The following B4GALNT2 variants were observed in gnomAD, a reference collection of about 807,000 sequenced individuals.
B4GALNT2 encodes the protein N-acetylneuraminylgalactosylglucosyl-glucoside beta-1,4-N- acetylgalactosaminyltransferase 2.
Under a neutral mutation model 51.1 loss-of-function variants are expected in B4GALNT2, and 42 were observed. The ratio of observed to expected loss-of-function variants is 0.82; its 90% CI spans 0.64 to 1.06. The LOEUF is 1.06. B4GALNT2 is among the 50% of genes least tolerant of loss of function. The pLI, the probability that B4GALNT2 is intolerant of heterozygous loss-of-function variation, is 0.00. For missense variants in B4GALNT2, 602 were observed against 633.6 expected, an observed-to-expected ratio of 0.95 and a Z score of 0.54; for synonymous variants, 253 against 251.7, an observed-to-expected ratio of 1.01 and a Z score of -0.05.
At chr17:49,136,535 T>C (rs2042591769) in intron 1 of B4GALNT2, among the ~76,000 whole-genome samples, 1 of 150,716 alleles carries the variant, frequency 6.6e-6, no homozygotes, top group Non-Finnish European at 1.5e-5. Context: ...TATTTATTTA[T>C]TTATTTATTT....
rs192171704 is a variant in B4GALNT2, at chr17:49,133,394, A to G, written c.14+588A>G. ...TGGCCCCGCGTGCTAAAGAGCCTCT[A>G]CGGAGTGATATAATAATTAACGGGG... On this transcript the variant is annotated intron_variant, in intron 1 of 10. Coordinates refer to ENST00000393354, the MANE Select transcript of B4GALNT2 (RefSeq NM_001159387.2). Among the ~76,000 whole-genome samples the G allele has an allele frequency of 2.6e-3, 401 of 152,314 alleles. 1 individual carries two copies. The highest frequency in any genetic ancestry group is 6.8e-3 in the Middle Eastern group (2 of 294).
the B4GALNT2 span, among the ~76,000 whole-genome samples, chr17:49,123,228 T>C: frequency 6.6e-6 from 1 of 152,196 alleles, no homozygotes; most frequent in Admixed American, 6.5e-5. Context: ...CAAAGGATTC[T>C]GGGCACCCTC....
chr17:49,143,681 A>G (rs956910479), intron 3 of B4GALNT2, among the ~76,000 whole-genome samples: 1 of 152,242 alleles, frequency 6.6e-6, no homozygotes, highest in African/African-American at 2.4e-5. Context: ...TAATTTATAA[A>G]GAAAAGGTAA....
chr17:49,125,636 G>C, the B4GALNT2 span, among the ~76,000 whole-genome samples: 1 of 149,424 alleles, frequency 6.7e-6, no homozygotes, highest in Admixed American at 6.6e-5. Flanking sequence ...GCCTCTGCCC[G>C]GCCGCGGCCC....
rs184712501 is a variant in B4GALNT2 at position 49,159,360 on chromosome 17, G to A, written c.679+143G>A. ...TTTGTTTTGTTTTGTTTTGTTTTTT[G>A]AGACGGAGTCTCACTCTGTCACCCA... On this transcript the variant is annotated intron_variant, in intron 6 of 10. Transcript: ENST00000393354. The A allele has an allele frequency of 4.4e-3, 2,857 of 652,536 alleles. 6 individuals are homozygous for A. Among genetic ancestry groups the A allele is most frequent in the Non-Finnish European group, 6.1e-3 (2,617 of 429,146 alleles). 40.4% of individuals were successfully genotyped at this position (652,536 alleles called of 1,614,324 possible).
At chr17:49,156,231 C>T (rs1343732644) in intron 4 of B4GALNT2, among the ~76,000 whole-genome samples, 1 of 152,160 alleles carries the variant, frequency 6.6e-6, no homozygotes, top group Non-Finnish European at 1.5e-5. Flanking sequence ...GGTTTGGCTA[C>T]TCCAGGTGCC....
intron 3 of B4GALNT2, among the ~76,000 whole-genome samples, chr17:49,150,275 C>A (rs1393653366): frequency 2.0e-5 from 2 of 101,536 alleles, no homozygotes; most frequent in East Asian, 4.7e-4. Flanking sequence ...CCCGGCCAGC[C>A]GCCCCGTCTG....
rs1198389237 is a variant in B4GALNT2 at position 49,174,687 on chromosome 17, A to T, written c.*4959A>T. On this transcript the variant is annotated 3_prime_UTR_variant, in exon 11 of 11. Transcript: ENST00000393354. ...AATTGTTCAGTAACTAAGTCCTCTG[A>T]GCCTCCAGTTTCTCTTTACTTAGCA... 1 of 152,166 alleles carries T rather than the reference A, an allele frequency of 6.6e-6. No individual in the cohort carries two copies. The highest frequency in any genetic ancestry group is 1.5e-5 in the Non-Finnish European group (1 of 68,024). 9.4% of individuals were successfully genotyped at this position (152,166 alleles called of 1,614,324 possible).
chr17:49,169,485 G>A (rs547563252), intron 10 of B4GALNT2, 38 bp from the exon 11 acceptor site: 198 of 1,586,350 alleles, frequency 1.2e-4, no homozygotes, highest in Admixed American at 2.5e-4. Context: ...TTTTCTGACC[G>A]CAGCTCCCAC....
rs990651487 is a variant in B4GALNT2 at position 49,172,875 on chromosome 17, C to T, written c.*3147C>T. 1.3e-5 allele frequency: 2 copies of T among 152,206 alleles called. No individual in the cohort carries two copies. Among genetic ancestry groups the T allele is most frequent in the South Asian group, 2.1e-4 (1 of 4,828 alleles). The allele number at this position is 152,206 out of a possible 1,614,324, so 9.4% of individuals were successfully genotyped here. A position where few individuals can be genotyped will look rare whatever the true frequency, so the allele number is the denominator to read the frequency against. The stretch of plus-strand genomic sequence containing the variant: ...TAAGCTAGTCTCCCAAACGAGGGAA[C>T]ATGTGTGACATCCATTTGCCAAAGA... On this transcript the variant is annotated 3_prime_UTR_variant, in exon 11 of 11. Transcript: ENST00000393354.
chr17:49,145,783 A>C (rs1313983487), intron 3 of B4GALNT2, among the ~76,000 whole-genome samples: 1 of 152,218 alleles, frequency 6.6e-6, no homozygotes. Flanking sequence ...ATTGTGGAGT[A>C]GTAGACTGAT....
At position 49,168,706 on chromosome 17, in the gene B4GALNT2, T is replaced by A. The variant is rs2042932755; in HGVS notation, c.1121T>A (p.Val374Glu). 6.2e-7 allele frequency: 1 copy of A among 1,614,024 alleles called. No homozygotes were observed. The highest frequency in any genetic ancestry group is 8.5e-7 in the Non-Finnish European group (1 of 1,180,002). Residue 374 changes from valine to glutamate, a missense_variant, in exon 10 of 11, where the codon GTG becomes GAG. Physicochemically the swap from Val to Glu is moderately radical, Grantham distance 121 (BLOSUM62 -2). Transcript: ENST00000393354. ...DVVGGSVLGN[V>E]FQFKLLLEQS... ...GTAGGCGGCAGTGTGCTGGGAAATGTGTTCCAGTTTAAGTTGTTGCTGGAA... is the reference window on the plus strand; with the variant it reads ...GTAGGCGGCAGTGTGCTGGGAAATGAGTTCCAGTTTAAGTTGTTGCTGGAA...
intron 9 of B4GALNT2, among the ~76,000 whole-genome samples, 162 bp downstream of exon 9, chr17:49,166,416 G>C (rs567856449): frequency 6.6e-6 from 1 of 152,114 alleles, no homozygotes; most frequent in East Asian, 1.9e-4. Context: ...GTGCAACCCA[G>C]GTGGAGAGTG....
rs189399654 is a variant in B4GALNT2 at position 49,146,155 on chromosome 17, T to C, written c.353+3983T>C. Among the ~76,000 whole-genome samples, 57 of 152,238 alleles carry C rather than the reference T, an allele frequency of 3.7e-4. 1 individual carries two copies. The highest frequency in any genetic ancestry group is 1.3e-3 in the African/African-American group (53 of 41,538). ...AGCATACATGGCCTTCTGGAGAACT[T>C]TGCCTCAGCCCTGCAAAGTATTGTC... On this transcript the variant is annotated intron_variant, in intron 3 of 10. Coordinates refer to ENST00000393354, the MANE Select transcript of B4GALNT2 (RefSeq NM_001159387.2).
chr17:49,141,582 A>G, intron 2 of B4GALNT2, 135 bp downstream of exon 2: 1 of 936,412 alleles, frequency 1.1e-6, no homozygotes, highest in East Asian at 2.6e-5. Flanking sequence ...TGCACAAGTG[A>G]CTGCAAGCCA....
chr17:49,149,435 C>A (rs1281276133), intron 3 of B4GALNT2, among the ~76,000 whole-genome samples: 1 of 152,062 alleles, frequency 6.6e-6, no homozygotes, highest in East Asian at 1.9e-4. Flanking sequence ...CACTTGAGGC[C>A]AGGAGTTCGA....
chr17:49,148,736 C>A, intron 3 of B4GALNT2: 2 of 575,770 alleles, frequency 3.5e-6, no homozygotes, highest in South Asian at 2.2e-5. Context: ...GGACATCCTT[C>A]TTGGCCACCG....
chr17:49,172,590 G>A lies in B4GALNT2; in HGVS notation c.*2862G>A, dbSNP rs1266450114. ...TTTTGCTTTTGCAACTGCTGTTTCA[G>A]GGAGAGATTCATTCTTTCTACTATG... On this transcript the variant is annotated 3_prime_UTR_variant, in exon 11 of 11. Coordinates refer to ENST00000393354, the MANE Select transcript of B4GALNT2 (RefSeq NM_001159387.2). 2 of 154,174 alleles carry A rather than the reference G, an allele frequency of 1.3e-5. No homozygotes were observed. Among genetic ancestry groups the A allele is most frequent in the Admixed American group, 6.5e-5 (1 of 15,278 alleles). The allele number at this position is 154,174 out of a possible 1,614,324, so 9.6% of individuals were successfully genotyped here.
upstream of B4GALNT2, among the ~76,000 whole-genome samples, chr17:49,131,836 ATATT>A (rs1391911820): frequency 2.0e-5 from 3 of 152,110 alleles, no homozygotes; most frequent in Non-Finnish European, 4.4e-5. Flanking sequence ...TTTGCACGCC[ATATT>A]TAAAGATTCT....
Sources: allele counts gnomAD v4.1 joint callset (sites outside exome capture counted in the v4.1 genomes callset), GRCh38; gene constraint gnomAD v4.1.1; transcripts MANE v1.5; gene names NCBI Gene and HGNC (gene_info 2026-07-23, HGNC 2026-07-21).